Variants in FCRL4 observed in about 807,000 individuals in gnomAD.
FCRL4 encodes the protein Fc receptor-like protein 4.
FCRL4 carries 43 observed loss-of-function variants against 64.1 expected under a neutral mutation model. The ratio of observed to expected loss-of-function variants is 0.67; its 90% CI spans 0.53 to 0.87. FCRL4 has a LOEUF of 0.87. Ranked by LOEUF, FCRL4 falls within the 40% of genes least tolerant of loss-of-function variation. The pLI is 0.00. For missense variants in FCRL4, 656 were observed against 613.5 expected, an observed-to-expected ratio of 1.07 and a Z score of -0.73; for synonymous variants, 253 against 239.8, an observed-to-expected ratio of 1.05 and a Z score of -0.51.
Position 157,580,481 on chromosome 1 carries a change from T to C in FCRL4, c.1250-133A>G, listed in dbSNP as rs193223034. 4.2e-4 allele frequency: 388 copies of C among 923,402 alleles called. 1 individual carries two copies. The African/African-American group carries it at 5.9e-3, about 14-fold the overall frequency. The allele number at this position is 923,402 out of a possible 1,614,324, so 57.2% of individuals were successfully genotyped here. On this transcript the variant is annotated intron_variant, in intron 7 of 11. Transcript: ENST00000271532. ...ACACCTGCCCAGTCCTGGGTTTTCA[T>C]GAAAATGAGGTGAAAAAAAGATTGT... is the stretch of plus-strand genomic sequence containing the variant.
At chr1:157,586,507 C>T in intron 5 of FCRL4, 52 bp from the exon 6 acceptor site, 1 of 1,533,920 alleles carries the variant, frequency 6.5e-7, no homozygotes, top group Non-Finnish European at 8.8e-7. Context: ...GAGGGCAGGG[C>T]TAGGTAGCTG....
intron 2 of FCRL4, among the ~76,000 whole-genome samples, chr1:157,595,455 T>G (rs535586366): frequency 3.9e-5 from 6 of 152,258 alleles, no homozygotes; most frequent in East Asian, 1.9e-4. Context: ...CCCTGCTATG[T>G]GCAGGTGGCC....
At chr1:157,585,332 T>C (rs1652650334) in intron 6 of FCRL4, among the ~76,000 whole-genome samples, 1 of 89,088 alleles carries the variant, frequency 1.1e-5, no homozygotes, top group South Asian at 4.8e-4. Context: ...CCTTCTCTCT[T>C]TCTTTCTCTC....
intron 7 of FCRL4, 28 bp downstream of exon 7, chr1:157,581,503 G>A (rs769631878): frequency 4.4e-6 from 7 of 1,589,150 alleles, no homozygotes; most frequent in Middle Eastern, 3.5e-4. Context: ...AACAGGGCAG[G>A]AACTGTGGCA....
intron 1 of FCRL4, 104 bp downstream of exon 1, chr1:157,597,809 TA>T: frequency 1.2e-6 from 1 of 816,740 alleles, no homozygotes; most frequent in Non-Finnish European, 2.0e-6. Context: ...TCTGCTGTTC[TA>T]AAATGGGAGT....
intron 10 of FCRL4, 126 bp downstream of exon 10, chr1:157,578,348 G>T: frequency 1.3e-6 from 1 of 757,540 alleles, no homozygotes; most frequent in South Asian, 1.7e-5. Context: ...AGGGATTTTT[G>T]TCTGCCTTGT....
At chr1:157,592,210 C>A (rs1026659297) in intron 2 of FCRL4, among the ~76,000 whole-genome samples, 1 of 152,006 alleles carries the variant, frequency 6.6e-6, no homozygotes, top group African/African-American at 2.4e-5. Flanking sequence ...ACTAAAACAC[C>A]AAAAGCAATG....
At chr1:157,590,701 T>G (rs1189302476) in intron 2 of FCRL4, among the ~76,000 whole-genome samples, 1 of 152,048 alleles carries the variant, frequency 6.6e-6, no homozygotes, top group Non-Finnish European at 1.5e-5. Context: ...GTATTTTTAG[T>G]AGAGACAGGG....
At position 157,586,090 on chromosome 1, in the gene FCRL4, G is replaced by A. The variant is rs539518669; in HGVS notation, c.1135+78C>T. The A allele has an allele frequency of 2.1e-4, 296 of 1,384,082 alleles. 1 individual carries two copies. The highest frequency in any genetic ancestry group is 1.7e-3 in the South Asian group (125 of 74,166). 85.7% of individuals were successfully genotyped at this position (1,384,082 alleles called of 1,614,324 possible). A position where few individuals can be genotyped will look rare whatever the true frequency, so the allele number is the denominator to read the frequency against. On this transcript the variant is annotated intron_variant, in intron 6 of 11. Transcript: ENST00000271532. ...GGAAACAGAAACAGCAGAGTCACAG[G>A]GTAATGTTAGCTATCCCCACCCTTA...
intron 8 of FCRL4, among the ~76,000 whole-genome samples, chr1:157,579,621 G>A (rs946002026): frequency 6.6e-6 from 1 of 151,928 alleles, no homozygotes; most frequent in Non-Finnish European, 1.5e-5. Context: ...GGAAGCTGAG[G>A]CACAAGACTC....
At chr1:157,581,328 A>G (rs953830441) in intron 7 of FCRL4, among the ~76,000 whole-genome samples, 36 of 152,210 alleles carry the variant, frequency 2.4e-4, no homozygotes, top group African/African-American at 8.7e-4. Context: ...ATCAGACTAG[A>G]TATGAGCAGC....
Position 157,586,259 on chromosome 1 carries a change from G to A in FCRL4, c.1044C>T (p.Ala348=). ...ATCCCCCTGCATGGCTCTGTCTGAT[G>A]GCAGGGAGCTCCAGCTCTGCTCTCA... ...RSLRAELELP[A]IRQSHAGGYY... Residue 348 remains alanine, a synonymous_variant, in exon 6 of 12, where the codon GCC becomes GCT. Coordinates refer to ENST00000271532, the MANE Select transcript of FCRL4 (RefSeq NM_031282.3). The A allele has an allele frequency of 6.2e-7, 1 of 1,614,046 alleles. No individual in the cohort carries two copies. Among genetic ancestry groups the A allele is most frequent in the Non-Finnish European group, 8.5e-7 (1 of 1,179,980 alleles).
intron 6 of FCRL4, among the ~76,000 whole-genome samples, chr1:157,585,394 CCTTCTTTCTTTCTTTCTTTCTTTCTT>C (rs1652665231): frequency 7.9e-5 from 6 of 76,006 alleles, no homozygotes; most frequent in African/African-American, 2.8e-4. Flanking sequence ...TTCTTTCTTT[CCTTCTTTCTTTCTTTCTTTCTTTCTT>C]TCCTTTTTCA....
Position 157,585,252 on chromosome 1 carries a change from T to TCTTTCCTTTCTTTCCTTCCTTTCCTTC in FCRL4, c.1135+889_1135+915dup, listed in dbSNP as rs1553276867. On this transcript the variant is annotated intron_variant, in intron 6 of 11. Coordinates refer to ENST00000271532, the MANE Select transcript of FCRL4 (RefSeq NM_031282.3). The stretch of plus-strand genomic sequence containing the variant: ...CCTCTTTCCTTTCTTTCCTTTCCTT[T>TCTTTCCTTTCTTTCCTTCCTTTCCTTC]CTTTCCTTTCTTTCCTTCCTTTCCT... Among the ~76,000 whole-genome samples, 17 of 90,668 alleles carry TCTTTCCTTTCTTTCCTTCCTTTCCTTC rather than the reference T, an allele frequency of 1.9e-4. No individual in the cohort carries two copies. In the East Asian group the frequency reaches 7.4e-3, roughly 40 times the overall value. The allele number at this position is 90,668 out of a possible 152,430, so 59.5% of individuals were successfully genotyped here. A position where few individuals can be genotyped will look rare whatever the true frequency, so the allele number is the denominator to read the frequency against.
At chr1:157,592,324 A>C (rs1652856564) in intron 2 of FCRL4, among the ~76,000 whole-genome samples, 1 of 152,256 alleles carries the variant, frequency 6.6e-6, no homozygotes, top group Non-Finnish European at 1.5e-5. Context: ...ACAGAATGGG[A>C]GAAAAATTTT....
At chr1:157,575,973 G>A (rs1467850286) in intron 10 of FCRL4, among the ~76,000 whole-genome samples, 1 of 152,048 alleles carries the variant, frequency 6.6e-6, no homozygotes, top group African/African-American at 2.4e-5. Flanking sequence ...ACCACACTAA[G>A]AAACCTCACA....
intron 6 of FCRL4, among the ~76,000 whole-genome samples, chr1:157,585,376 TTC>T (rs1180688216): frequency 7.8e-5 from 9 of 115,662 alleles, no homozygotes; most frequent in South Asian, 3.0e-4. Flanking sequence ...CTTTCTTTCT[TTC>T]TTTCTTTCTT....
chr1:157,578,485 T>A lies in FCRL4; in HGVS notation c.1418A>T (p.Glu473Val), dbSNP rs762546095. Reference sequence around the variant, plus strand: ...TCCCAAAGACGTACCTTCCTCTTCTTCTCCCAGCTGAGTAGTCTGGATCTC... The same window carrying A: ...TCCCAAAGACGTACCTTCCTCTTCTACTCCCAGCTGAGTAGTCTGGATCTC... The part of the protein sequence containing the change: ...YSEIQTTQLG[E>V]EEEANTSRTL... Residue 473 changes from glutamate to valine, a missense_variant, in exon 10 of 12, where the codon GAA becomes GTA. Transcript: ENST00000271532. The A allele has an allele frequency of 6.2e-7, 1 of 1,613,576 alleles. No homozygotes were observed. The highest frequency in any genetic ancestry group is 1.7e-5 in the Admixed American group (1 of 60,022).
At position 157,575,559 on chromosome 1, in the gene FCRL4, C is replaced by G; in HGVS notation, c.1513G>C (p.Ala505Pro). ...EVKTQHPDNS[A>P]GKISSKDEES The stretch of plus-strand genomic sequence containing the variant: ...TCATCCTTAGAGCTGATCTTTCCAG[C>G]TGAGTTATCTGGGTGTTGTGTCTTT... The change falls in exon 12 of 12, where the codon GCT becomes CCT. Residue 505 changes from alanine (A) to proline (P), a missense_variant. By Grantham distance (27) the Ala-to-Pro change is conservative (BLOSUM62 -1). Coordinates refer to ENST00000271532, the MANE Select transcript of FCRL4 (RefSeq NM_031282.3). 6.2e-7 allele frequency: 1 copy of G among 1,613,926 alleles called. No homozygotes were observed.
Sources: allele counts gnomAD v4.1 joint callset (sites outside exome capture counted in the v4.1 genomes callset), GRCh38; gene constraint gnomAD v4.1.1; transcripts MANE v1.5; gene names NCBI Gene and HGNC (gene_info 2026-07-23, HGNC 2026-07-21).